GADL1: variants seen among roughly 807,000 people sequenced by gnomAD.
The protein encoded by GADL1 is GAD like acidic amino acid decarboxylase 1.
In GADL1, 71 loss-of-function variants were observed where a neutral mutation model predicts 69.5. That is an observed-to-expected ratio of 1.02 (90% CI 0.84 to 1.25). The LOEUF is 1.25. Ranked by LOEUF, GADL1 falls within the 50% of genes most tolerant of loss-of-function variation. The pLI is 0.00. For missense variants in GADL1, 737 were observed against 631.8 expected (o/e 1.17, Z -1.79); for synonymous variants, 254 against 214.4 (o/e 1.18, Z -1.62).
intron 11 of GADL1, among the ~76,000 whole-genome samples, chr3:30,825,399 C>G (rs1285188525): frequency 6.6e-6 from 1 of 151,846 alleles, no homozygotes; most frequent in East Asian, 1.9e-4. Flanking sequence ...AACACTTATT[C>G]ACATGGACTT....
At position 30,779,654 on chromosome 3, in the gene GADL1, A is replaced by G. The variant is rs1170654829; in HGVS notation, c.1303-1386T>C. On this transcript the variant is annotated intron_variant, in intron 13 of 14. Coordinates refer to ENST00000282538, the MANE Select transcript of GADL1 (RefSeq NM_207359.3). ...CTGTACTGAACTCCCAAATTCTTTG[A>G]GCATTTAATGTGAACACATTTTTCA... Among the ~76,000 whole-genome samples the G allele has an allele frequency of 4.6e-5, 7 of 152,232 alleles. No individual in the cohort carries two copies. The East Asian group carries it at 1.3e-3, about 29-fold the overall frequency.
intron 7 of GADL1, 24 bp downstream of exon 7, chr3:30,844,363 G>T: frequency 1.3e-6 from 2 of 1,591,606 alleles, no homozygotes; most frequent in Non-Finnish European, 1.7e-6. Flanking sequence ...CACCCACCAG[G>T]CTTCCAGATC....
intron 11 of GADL1, among the ~76,000 whole-genome samples, chr3:30,819,802 A>G (rs1055049681): frequency 3.9e-5 from 6 of 152,080 alleles, no homozygotes; most frequent in Admixed American, 1.3e-4. Context: ...AAATAAGGAC[A>G]TGGCATATAT....
At chr3:30,790,017 T>G (rs2125501516) in intron 12 of GADL1, among the ~76,000 whole-genome samples, 1 of 152,364 alleles carries the variant, frequency 6.6e-6, no homozygotes, top group African/African-American at 2.4e-5. Flanking sequence ...TTTGCATTCA[T>G]AACTTGGCTA....
At chr3:30,838,515 A>C (rs1697909195) in intron 9 of GADL1, among the ~76,000 whole-genome samples, 1 of 152,134 alleles carries the variant, frequency 6.6e-6, no homozygotes, top group Non-Finnish European at 1.5e-5. Context: ...GCAATTATGC[A>C]TTGTAGCTTT....
At chr3:30,887,420 T>C (rs1226053227) in intron 1 of GADL1, among the ~76,000 whole-genome samples, 1 of 152,166 alleles carries the variant, frequency 6.6e-6, no homozygotes, top group Admixed American at 6.5e-5. Context: ...GGGAACCTGG[T>C]AGCTTTATAA....
At chr3:30,855,422 A>T (rs1380949301) in intron 3 of GADL1, among the ~76,000 whole-genome samples, 1 of 152,068 alleles carries the variant, frequency 6.6e-6, no homozygotes, top group African/African-American at 2.4e-5. Context: ...TTTCACTCAC[A>T]GCAGAGTTCA....
At chr3:30,767,535 G>A (rs903256241) in intron 14 of GADL1, among the ~76,000 whole-genome samples, 1 of 152,066 alleles carries the variant, frequency 6.6e-6, no homozygotes, top group Non-Finnish European at 1.5e-5. Flanking sequence ...ATACTTTGAG[G>A]AAATGATCAG....
intron 14 of GADL1, among the ~76,000 whole-genome samples, chr3:30,752,203 T>C (rs1324513834): frequency 6.6e-6 from 1 of 152,090 alleles, no homozygotes; most frequent in Admixed American, 6.5e-5. Flanking sequence ...CAGGTAACTT[T>C]AGGGTTTTCG....
chr3:30,845,874 T>C (rs1261859451), intron 6 of GADL1, among the ~76,000 whole-genome samples: 1 of 152,112 alleles, frequency 6.6e-6, no homozygotes. Context: ...AATGCTAGCC[T>C]ACCCCACTGA....
chr3:30,750,079 ACTC>A (rs1269417123), intron 14 of GADL1, among the ~76,000 whole-genome samples: 2 of 151,914 alleles, frequency 1.3e-5, no homozygotes, highest in African/African-American at 2.4e-5. Flanking sequence ...TTTACAAGTG[ACTC>A]CTCCTCCTCT....
rs149918154 is a variant in GADL1, at chr3:30,731,972, C to T, written c.1393-3557G>A. Among the ~76,000 whole-genome samples the T allele has an allele frequency of 2.6e-5, 4 of 152,304 alleles. No homozygotes were observed. In the East Asian group the frequency reaches 7.7e-4, roughly 29 times the overall value. On this transcript the variant is annotated intron_variant, in intron 14 of 14. Transcript: ENST00000282538. Reference sequence around the variant, plus strand: ...TTCTTTACAATTTGCAATGTCCTCTCACTTGTCTGATTCCCATAAATTCAA... The same window carrying T: ...TTCTTTACAATTTGCAATGTCCTCTTACTTGTCTGATTCCCATAAATTCAA...
rs1698308014 is a variant in GADL1, at chr3:30,860,727, T to G, written c.210+866A>C. Among the ~76,000 whole-genome samples the G allele has an allele frequency of 5.3e-5, 8 of 151,950 alleles. No individual in the cohort carries two copies. In the South Asian group the frequency reaches 1.7e-3, roughly 31 times the overall value. On this transcript the variant is annotated intron_variant, in intron 2 of 14. Transcript: ENST00000282538. ...TACATCCATTTGTTGATAATCCACC[T>G]CCAACATGAAAACCAATGTGATAAA...
At chr3:30,873,186 A>G (rs546356973) in intron 1 of GADL1, among the ~76,000 whole-genome samples, 1 of 152,078 alleles carries the variant, frequency 6.6e-6, no homozygotes, top group East Asian at 1.9e-4. Flanking sequence ...AAATGAAACA[A>G]AAATATAATT....
intron 13 of GADL1, among the ~76,000 whole-genome samples, chr3:30,785,968 TA>T (rs1177656750): frequency 1.3e-5 from 2 of 152,184 alleles, no homozygotes; most frequent in Non-Finnish European, 2.9e-5. Context: ...CATTATTTTA[TA>T]AAAAGAGAAA....
intron 14 of GADL1, among the ~76,000 whole-genome samples, chr3:30,755,057 A>T (rs1013436575): frequency 3.3e-5 from 5 of 152,186 alleles, no homozygotes; most frequent in Non-Finnish European, 7.3e-5. Flanking sequence ...CAAGATATCC[A>T]GAGGATTTAG....
intron 14 of GADL1, among the ~76,000 whole-genome samples, chr3:30,768,045 C>G (rs1025731785): frequency 1.5e-5 from 2 of 137,368 alleles, no homozygotes; most frequent in African/African-American, 2.7e-5. Flanking sequence ...ACCCCCCCCC[C>G]CCTTATCCTT....
chr3:30,730,856 T>C (rs930199051), intron 14 of GADL1, among the ~76,000 whole-genome samples: 9 of 149,120 alleles, frequency 6.0e-5, no homozygotes, highest in East Asian at 2.0e-4. Flanking sequence ...TGCATAAGCA[T>C]GTGTGTGTGT....
At chr3:30,783,192 C>A (rs929284031) in intron 13 of GADL1, among the ~76,000 whole-genome samples, 2 of 152,232 alleles carry the variant, frequency 1.3e-5, no homozygotes, top group Middle Eastern at 6.8e-3. Context: ...ATTAATAACT[C>A]CTCCTAGTGT....
Sources: allele counts gnomAD v4.1 joint callset (sites outside exome capture counted in the v4.1 genomes callset), GRCh38; gene constraint gnomAD v4.1.1; transcripts MANE v1.5; gene names NCBI Gene and HGNC (gene_info 2026-07-23, HGNC 2026-07-21).